CEP192: variants seen among roughly 807,000 people sequenced by gnomAD.
CEP192 encodes the protein centrosomal protein of 192 kDa.
Under a neutral mutation model 271.8 loss-of-function variants are expected in CEP192, and 151 were observed. That is an observed-to-expected ratio of 0.56 (90% CI 0.49 to 0.64). The LOEUF is 0.64. Ranked by LOEUF, CEP192 falls within the 30% of genes least tolerant of loss-of-function variation. CEP192 has a pLI of 0.00. For synonymous variants in CEP192, 995 were observed against 1,076.5 expected (o/e 0.92, Z 1.48); for missense variants, 2,910 against 3,020.5 (o/e 0.96, Z 0.86).
chr18:13,040,440 G>T (rs1201256721), intron 13 of CEP192, among the ~76,000 whole-genome samples: 1 of 152,132 alleles, frequency 6.6e-6, no homozygotes, highest in African/African-American at 2.4e-5. Flanking sequence ...TGGTAGGAGC[G>T]TCCCTAATCT....
intron 13 of CEP192, 66 bp downstream of exon 13, chr18:13,038,645 C>A: frequency 2.5e-6 from 3 of 1,197,392 alleles, no homozygotes; most frequent in Non-Finnish European, 3.6e-6. Context: ...ATTATGATGG[C>A]ACAGTGACTT....
chr18:13,050,257 G>T (rs2036709157), intron 17 of CEP192, among the ~76,000 whole-genome samples: 1 of 152,058 alleles, frequency 6.6e-6, no homozygotes, highest in African/African-American at 2.4e-5. Flanking sequence ...AATGTCTTTT[G>T]TGGCTTTATA....
chr18:13,106,600 TACCACTC>T (rs2144973383), intron 40 of CEP192, among the ~76,000 whole-genome samples: 1 of 121,944 alleles, frequency 8.2e-6, no homozygotes, highest in South Asian at 2.7e-4. Flanking sequence ...CCACCACCAC[TACCACTC>T]ACCACTGCTG....
chr18:13,071,550 A>C (rs1364849254), intron 28 of CEP192, among the ~76,000 whole-genome samples: 4 of 152,180 alleles, frequency 2.6e-5, no homozygotes, highest in Non-Finnish European at 5.9e-5. Context: ...CATTCTTCTA[A>C]ATGATCTAAA....
chr18:13,007,284 A>G (rs2034042612), intron 3 of CEP192, among the ~76,000 whole-genome samples: 2 of 152,286 alleles, frequency 1.3e-5, no homozygotes, highest in South Asian at 4.1e-4. Context: ...TGCCTCTTTA[A>G]CTTGAAACTT....
chr18:13,081,565 G>C lies in CEP192; in HGVS notation c.5617-5452G>C, dbSNP rs973818920. Among the ~76,000 whole-genome samples the C allele has an allele frequency of 3.9e-5, 6 of 152,084 alleles. No homozygotes were observed. The East Asian group carries it at 1.2e-3, about 29-fold the overall frequency. On this transcript the variant is annotated intron_variant, in intron 30 of 44. Coordinates refer to ENST00000506447, the MANE Select transcript of CEP192 (RefSeq NM_032142.4). ...GTCTTGCTAGCAGTCTATCAATTTT[G>C]TTGATCTTTTCAAAAAACCAGCTCC...
At chr18:13,007,480 T>C (rs185450714) in intron 3 of CEP192, among the ~76,000 whole-genome samples, 1 of 152,294 alleles carries the variant, frequency 6.6e-6, no homozygotes, top group East Asian at 1.9e-4. Context: ...AACATGGAAA[T>C]TGACCTAACT....
chr18:13,011,122 G>A (rs1358303886), intron 4 of CEP192, among the ~76,000 whole-genome samples: 1 of 151,730 alleles, frequency 6.6e-6, no homozygotes, highest in African/African-American at 2.4e-5. Flanking sequence ...AGCTACTTGG[G>A]GGGCTGAGGC....
chr18:13,094,464 C>A (rs148550324), intron 34 of CEP192, among the ~76,000 whole-genome samples: 1 of 152,250 alleles, frequency 6.6e-6, no homozygotes, highest in African/African-American at 2.4e-5. Flanking sequence ...CCTTCACTGT[C>A]GTTATTTGGT....
At chr18:13,061,068 A>T (rs2037383005) in intron 21 of CEP192, among the ~76,000 whole-genome samples, 2 of 152,240 alleles carry the variant, frequency 1.3e-5, no homozygotes, top group African/African-American at 4.8e-5. Context: ...CATGCCTGTA[A>T]TCCCAGCACT....
At chr18:13,106,421 C>G (rs1227878456) in intron 40 of CEP192, among the ~76,000 whole-genome samples, 3 of 129,130 alleles carry the variant, frequency 2.3e-5, no homozygotes, top group Non-Finnish European at 5.2e-5. Flanking sequence ...ACTGCCATCA[C>G]CATTTCCCAC....
chr18:13,074,920 CT>C (rs1477480237), intron 30 of CEP192, among the ~76,000 whole-genome samples: 4 of 152,202 alleles, frequency 2.6e-5, no homozygotes, highest in Non-Finnish European at 5.9e-5. Context: ...ATGAAATGAT[CT>C]GTGTTTTGAA....
Position 13,105,005 on chromosome 18 carries a change from G to T in CEP192, c.6973G>T (p.Val2325Phe). The T allele has an allele frequency of 6.2e-7, 1 of 1,613,762 alleles. No individual in the cohort carries two copies. Among genetic ancestry groups the T allele is most frequent in the Non-Finnish European group, 8.5e-7 (1 of 1,179,622 alleles). The change falls in exon 40 of 45, where the codon GTT becomes TTT. Residue 2325 changes from valine to phenylalanine, a missense_variant. Transcript: ENST00000506447. ...GCAGGGAGTTGATGAAAGTGGAGATGTTTTTAGAGCTACCTATGCAGCATT... is the reference window on the plus strand; with the variant it reads ...GCAGGGAGTTGATGAAAGTGGAGATTTTTTTAGAGCTACCTATGCAGCATT... ...YVKGVDESGD[V>F]FRATYAAFRC...
At chr18:13,113,523 G>A (rs1410201388) in intron 40 of CEP192, 63 bp from the exon 41 acceptor site, 23 of 1,495,988 alleles carry the variant, frequency 1.5e-5, no homozygotes, top group Admixed American at 2.0e-5. Context: ...TTGAACTGGT[G>A]ATCTAGCTAA....
At chr18:13,027,096 C>T (rs2035343968) in intron 9 of CEP192, among the ~76,000 whole-genome samples, 1 of 152,134 alleles carries the variant, frequency 6.6e-6, no homozygotes, top group South Asian at 2.1e-4. Flanking sequence ...TGTCTTTAGA[C>T]TGTGCACTCC....
At chr18:13,040,266 A>G (rs917843051) in intron 13 of CEP192, among the ~76,000 whole-genome samples, 2 of 152,242 alleles carry the variant, frequency 1.3e-5, no homozygotes, top group African/African-American at 4.8e-5. Flanking sequence ...ACAATTAATA[A>G]ATTAATCACT....
At chr18:13,018,183 G>A (rs1416917590) in intron 7 of CEP192, among the ~76,000 whole-genome samples, 4 of 152,144 alleles carry the variant, frequency 2.6e-5, no homozygotes, top group Non-Finnish European at 5.9e-5. Context: ...TGGCTAAGGT[G>A]ATGTCAGCTG....
In CEP192 at chr18:13,087,557, A is replaced by C; in HGVS notation, c.5904A>C (p.Ser1968=). The part of the protein sequence containing the change: ...QENVTLIYNP[S]DRGINNKTAT... ...ATGTTACTTTAATATATAATCCATC[A>C]GACAGAGGAATCAATAATAAAACTG... Residue 1968 remains serine, a synonymous_variant, in exon 32 of 45, where the codon TCA becomes TCC. Coordinates refer to ENST00000506447, the MANE Select transcript of CEP192 (RefSeq NM_032142.4). 3 of 1,539,756 alleles carry C rather than the reference A, an allele frequency of 1.9e-6. No individual in the cohort carries two copies. The highest frequency in any genetic ancestry group is 8.9e-7 in the Non-Finnish European group (1 of 1,127,566).
At position 13,089,450 on chromosome 18, in the gene CEP192, T is replaced by A; in HGVS notation, c.5994-6T>A. On this transcript the variant is annotated splice_region_variant and splice_polypyrimidine_tract_variant and intron_variant, in intron 32 of 44. Coordinates refer to ENST00000506447, the MANE Select transcript of CEP192 (RefSeq NM_032142.4). Reference sequence around the variant, plus strand: ...TTAAATAATAAAAAAAAATCTCTCCTGGCAGGGCCCTGTTACATAAACCAG... The same window carrying A: ...TTAAATAATAAAAAAAAATCTCTCCAGGCAGGGCCCTGTTACATAAACCAG... 1 of 1,454,318 alleles carries A rather than the reference T, an allele frequency of 6.9e-7. No homozygotes were observed. Among genetic ancestry groups the A allele is most frequent in the Non-Finnish European group, 9.4e-7 (1 of 1,064,096 alleles). 90.1% of individuals were successfully genotyped at this position (1,454,318 alleles called of 1,614,324 possible). A position where few individuals can be genotyped will look rare whatever the true frequency, so the allele number is the denominator to read the frequency against.
Sources: gnomAD v4.1 joint callset for allele counts (sites outside exome capture counted in the v4.1 genomes callset) on GRCh38, gnomAD v4.1.1 for gene constraint, MANE v1.5 for transcripts, NCBI Gene and HGNC (gene_info 2026-07-23, HGNC 2026-07-21) for gene names.